Variants in PTBP2 observed in about 807,000 individuals in gnomAD.
The protein encoded by PTBP2 is polypyrimidine tract binding protein 2.
In PTBP2, 13 loss-of-function variants were observed where a neutral mutation model predicts 61.4. The observed-to-expected ratio is 0.21, with a 90% CI of 0.14 to 0.34. The LOEUF (loss-of-function observed/expected upper bound fraction) is 0.34. PTBP2 is among the 10% of genes least tolerant of loss of function. The pLI is 1.00. For synonymous variants in PTBP2, 215 were observed against 218.5 expected (o/e 0.98, Z 0.14); for missense variants, 405 against 642.6 (o/e 0.63, Z 4.00).
At chr1:96,781,610 CTCTTCCTGAGATAAG>C (rs553443649) in intron 7 of PTBP2, among the ~76,000 whole-genome samples, 11 of 151,972 alleles carry the variant, frequency 7.2e-5, no homozygotes, top group Non-Finnish European at 1.6e-4. Flanking sequence ...GTTTAGAAGC[CTCTTCCTGAGATAAG>C]TCTTCTGTAA....
chr1:96,784,334 TC>T (rs1322969311), intron 7 of PTBP2, among the ~76,000 whole-genome samples: 1 of 152,076 alleles, frequency 6.6e-6, no homozygotes, highest in Non-Finnish European at 1.5e-5. Flanking sequence ...TTGTCATCAT[TC>T]CTGTTTTCCC....
intron 11 of PTBP2, among the ~76,000 whole-genome samples, chr1:96,809,381 A>G (rs1023770398): frequency 6.6e-6 from 1 of 152,228 alleles, no homozygotes; most frequent in Non-Finnish European, 1.5e-5. Flanking sequence ...GCTTCAGCTA[A>G]TTTCAAAGAG....
At chr1:96,802,365 A>G (rs939085189) in intron 8 of PTBP2, among the ~76,000 whole-genome samples, 1 of 152,198 alleles carries the variant, frequency 6.6e-6, no homozygotes, top group African/African-American at 2.4e-5. Flanking sequence ...TTAAATAAGC[A>G]GGAGATACAG....
At chr1:96,764,444 C>T (rs942021734) in intron 3 of PTBP2, among the ~76,000 whole-genome samples, 2 of 152,148 alleles carry the variant, frequency 1.3e-5, no homozygotes, top group Non-Finnish European at 2.9e-5. Context: ...CTAGTGATTT[C>T]TTTGTAGCTA....
In PTBP2 at chr1:96,792,558, A is replaced by G. The variant is rs542730142; in HGVS notation, c.904+7304A>G. 2.9e-3 allele frequency among the ~76,000 whole-genome samples: 442 copies of G among 152,304 alleles called. 2 individuals carry two copies. The highest frequency in any genetic ancestry group is 0.01 in the African/African-American group (431 of 41,570). ...ATAGTTATCAAGAATAGTAATATAC[A>G]TATAGTAAAAATTTAAGTCCCATCA... On this transcript the variant is annotated intron_variant, in intron 8 of 13. Coordinates refer to ENST00000674951, the MANE Select transcript of PTBP2 (RefSeq NM_021190.4).
intron 1 of PTBP2, among the ~76,000 whole-genome samples, chr1:96,723,299 T>G (rs965471714): frequency 1.3e-5 from 2 of 152,148 alleles, no homozygotes; most frequent in Non-Finnish European, 2.9e-5. Context: ...AATGGCATAG[T>G]GTTTTGGGTT....
At chr1:96,723,423 C>CT in intron 1 of PTBP2, 141 bp from the exon 2 acceptor site, 1 of 583,916 alleles carries the variant, frequency 1.7e-6, no homozygotes, top group Non-Finnish European at 2.9e-6. Flanking sequence ...CACGGATCAT[C>CT]TGTGGTATTT....
intron 5 of PTBP2, among the ~76,000 whole-genome samples, chr1:96,776,615 A>G (rs1168473887): frequency 1.3e-5 from 2 of 151,950 alleles, no homozygotes; most frequent in Non-Finnish European, 2.9e-5. Flanking sequence ...AAACCTATGT[A>G]TAGGTATTTG....
intron 1 of PTBP2, 50 bp from the exon 2 acceptor site, chr1:96,723,514 G>A (rs775513078): frequency 2.0e-6 from 3 of 1,511,010 alleles, no homozygotes; most frequent in Admixed American, 3.4e-5. Context: ...CAAAGAGTGA[G>A]TGATTAGAAG....
intron 2 of PTBP2, among the ~76,000 whole-genome samples, chr1:96,749,335 A>C (rs1468395124): frequency 6.6e-6 from 1 of 152,192 alleles, no homozygotes; most frequent in East Asian, 1.9e-4. Context: ...AAATAGTCAA[A>C]CATCAGAAGA....
At position 96,730,716 on chromosome 1, in the gene PTBP2, C is replaced by G. The variant is rs907344312; in HGVS notation, c.39+7122C>G. ...TGGTACTTTGACCTGTATGTAAACT[C>G]TAGTTACTTTGGTCTTCTCAGGCTC... is the stretch of plus-strand genomic sequence containing the variant. On this transcript the variant is annotated intron_variant, in intron 2 of 13. Transcript: ENST00000674951. Among the ~76,000 whole-genome samples the G allele has an allele frequency of 2.0e-5, 3 of 152,152 alleles. No homozygotes were observed. The East Asian group carries it at 5.8e-4, about 29-fold the overall frequency.
intron 8 of PTBP2, among the ~76,000 whole-genome samples, chr1:96,798,442 C>T (rs1302500922): frequency 1.3e-5 from 2 of 152,014 alleles, no homozygotes; most frequent in African/African-American, 4.8e-5. Context: ...CTTTAGAGTC[C>T]CACCACTAAT....
intron 11 of PTBP2, among the ~76,000 whole-genome samples, chr1:96,810,802 A>C (rs1334825229): frequency 6.6e-6 from 1 of 152,214 alleles, no homozygotes; most frequent in Non-Finnish European, 1.5e-5. Flanking sequence ...TAGAACTTTA[A>C]AATTTTATAA....
At chr1:96,765,497 G>A (rs376621944) in intron 3 of PTBP2, among the ~76,000 whole-genome samples, 2 of 152,100 alleles carry the variant, frequency 1.3e-5, no homozygotes, top group East Asian at 3.9e-4. Flanking sequence ...GATCACTTGA[G>A]GCCAGGAGTT....
chr1:96,808,334 G>C (rs1661699749), intron 11 of PTBP2, among the ~76,000 whole-genome samples: 1 of 152,078 alleles, frequency 6.6e-6, no homozygotes, highest in South Asian at 2.1e-4. Context: ...AGATGAAACT[G>C]CTAGCAGATT....
In PTBP2 at chr1:96,809,554, C is replaced by T. The variant is rs766529973; in HGVS notation, c.1171+2596C>T. ...TTGAGCCAGTGTCTTGCTCTGTCCC[C>T]CAGGGTGGAGTGCAGTGGTGCTATT... On this transcript the variant is annotated intron_variant, in intron 11 of 13. Coordinates refer to ENST00000674951, the MANE Select transcript of PTBP2 (RefSeq NM_021190.4). Among the ~76,000 whole-genome samples the T allele has an allele frequency of 8.8e-4, 134 of 152,170 alleles. 1 individual carries two copies. Among genetic ancestry groups the T allele is most frequent in the Middle Eastern group, 6.8e-3 (2 of 294 alleles).
chr1:96,730,733 C>T (rs1651282832), intron 2 of PTBP2, among the ~76,000 whole-genome samples: 1 of 152,174 alleles, frequency 6.6e-6, no homozygotes. Flanking sequence ...CTTTGGTCTT[C>T]TCAGGCTCTT....
chr1:96,805,011 A>T, intron 9 of PTBP2, 72 bp downstream of exon 9: 2 of 1,295,880 alleles, frequency 1.5e-6, no homozygotes, highest in South Asian at 1.7e-5. Flanking sequence ...TGTTTATTTC[A>T]TTTTGCACTT....
At chr1:96,753,595 TATAAA>T (rs1654829317) in intron 3 of PTBP2, among the ~76,000 whole-genome samples, 1 of 151,690 alleles carries the variant, frequency 6.6e-6, no homozygotes, top group Non-Finnish European at 1.5e-5. Context: ...ACCCATGAAA[TATAAA>T]GAACACATTT....
Sources: allele counts gnomAD v4.1 joint callset (sites outside exome capture counted in the v4.1 genomes callset), GRCh38; gene constraint gnomAD v4.1.1; transcripts MANE v1.5; gene names NCBI Gene and HGNC (gene_info 2026-07-23, HGNC 2026-07-21).